FRMPD2: variants seen among roughly 807,000 people sequenced by gnomAD.
FRMPD2 encodes FERM and PDZ domain containing 2.
A neutral mutation model predicts 140.1 loss-of-function variants in FRMPD2; 96 were observed. The observed-to-expected ratio is 0.69, with a 90% CI of 0.58 to 0.81. The LOEUF (loss-of-function observed/expected upper bound fraction) is 0.81, where lower values mean the gene tolerates loss of function less well. Among genes scored for constraint, FRMPD2 ranks in the 40% least tolerant of loss-of-function variants. The pLI is 0.00. For missense variants in FRMPD2, 1,240 were observed against 1,447.4 expected (o/e 0.86, Z 2.32); for synonymous variants, 449 against 547.6 (o/e 0.82, Z 2.52).
At chr10:48,246,675 G>A (rs1262554353) in intron 3 of FRMPD2, among the ~76,000 whole-genome samples, 1 of 152,224 alleles carries the variant, frequency 6.6e-6, no homozygotes, top group African/African-American at 2.4e-5. Context: ...AAGGAGAGGG[G>A]TCTGGGTACA....
chr10:48,187,714 C>A (rs1838722171), intron 16 of FRMPD2, among the ~76,000 whole-genome samples: 1 of 152,204 alleles, frequency 6.6e-6, no homozygotes, highest in Non-Finnish European at 1.5e-5. Flanking sequence ...GATGTTTTGT[C>A]ATTTGCTCCT....
At chr10:48,196,150 G>A (rs1838943706) in intron 15 of FRMPD2, among the ~76,000 whole-genome samples, 1 of 152,158 alleles carries the variant, frequency 6.6e-6, no homozygotes, top group South Asian at 2.1e-4. Flanking sequence ...GAGCCATCCT[G>A]GTGTGCTGAA....
At chr10:48,236,453 A>C in intron 9 of FRMPD2, 29 bp downstream of exon 9, 1 of 1,608,718 alleles carries the variant, frequency 6.2e-7, no homozygotes, top group South Asian at 1.1e-5. Flanking sequence ...GCCACCCTCC[A>C]TCCCTGCCCA....
At chr10:48,162,166 G>T (rs1474072434) in intron 28 of FRMPD2, among the ~76,000 whole-genome samples, 8 of 144,730 alleles carry the variant, frequency 5.5e-5, no homozygotes, top group African/African-American at 1.6e-4. Context: ...CAATTGTAAA[G>T]AACTATAAAT....
chr10:48,211,994 G>A lies in FRMPD2; in HGVS notation c.1571C>T (p.Ser524Phe). 1 of 1,614,076 alleles carries A rather than the reference G, an allele frequency of 6.2e-7. No individual in the cohort carries two copies. The highest frequency in any genetic ancestry group is 1.1e-5 in the South Asian group (1 of 91,056). Residue 524 changes from serine to phenylalanine, a missense_variant, in exon 13 of 29, where the codon TCT becomes TTT. By Grantham distance (155) the Ser-to-Phe change is radical. Coordinates refer to ENST00000374201, the MANE Select transcript of FRMPD2 (RefSeq NM_001018071.4). ...CTCAGCATCCTCTCCCCACAGTGCA[G>A]AGCTGAGCCGGTGCATCTCTGAGAC... is the stretch of plus-strand genomic sequence containing the variant. ...VEVSEMHRLSSALWGEDAELK... is the reference protein window; with the variant it reads ...VEVSEMHRLSFALWGEDAELK...
At chr10:48,174,475 G>A (rs1310317337) in intron 24 of FRMPD2, among the ~76,000 whole-genome samples, 3 of 152,106 alleles carry the variant, frequency 2.0e-5, no homozygotes. Flanking sequence ...AACGGAGTGG[G>A]GTCATCCTAT....
intron 13 of FRMPD2, among the ~76,000 whole-genome samples, chr10:48,211,676 C>A (rs1334170881): frequency 1.3e-5 from 2 of 151,918 alleles, no homozygotes; most frequent in Non-Finnish European, 2.9e-5. Flanking sequence ...CAGAGCGAGA[C>A]TCCATCTCAA....
At chr10:48,250,048 G>A (rs917397768) in intron 2 of FRMPD2, among the ~76,000 whole-genome samples, 4 of 152,142 alleles carry the variant, frequency 2.6e-5, no homozygotes, top group East Asian at 1.9e-4. Flanking sequence ...CCTCAAGGCC[G>A]GAACTTGACA....
At chr10:48,188,436 C>T (rs1838743789) in intron 16 of FRMPD2, among the ~76,000 whole-genome samples, 1 of 152,216 alleles carries the variant, frequency 6.6e-6, no homozygotes, top group Admixed American at 6.5e-5. Flanking sequence ...TGACTTGGCT[C>T]ATGTTTGTGC....
intron 9 of FRMPD2, among the ~76,000 whole-genome samples, chr10:48,233,961 G>A (rs1839909872): frequency 6.6e-6 from 1 of 152,216 alleles, no homozygotes; most frequent in Non-Finnish European, 1.5e-5. Flanking sequence ...TGGGCCAGGA[G>A]CACCAAAGCT....
intron 20 of FRMPD2, among the ~76,000 whole-genome samples, chr10:48,182,750 G>T (rs528212872): frequency 6.6e-6 from 1 of 152,246 alleles, no homozygotes; most frequent in Non-Finnish European, 1.5e-5. Context: ...CAGACCTCGA[G>T]TACTGCTTTT....
At chr10:48,242,799 T>G (rs1045981461) in intron 4 of FRMPD2, among the ~76,000 whole-genome samples, 3 of 152,256 alleles carry the variant, frequency 2.0e-5, no homozygotes, top group African/African-American at 7.2e-5. Context: ...ACATACAGAC[T>G]GTGGCCTATT....
intron 27 of FRMPD2, among the ~76,000 whole-genome samples, chr10:48,167,881 C>T (rs1327839610): frequency 1.3e-5 from 2 of 149,092 alleles, no homozygotes; most frequent in African/African-American, 5.0e-5. Flanking sequence ...AAAGACTGAC[C>T]TCTCTGAGGA....
chr10:48,269,901 G>T (rs1840738254), intron 1 of FRMPD2, among the ~76,000 whole-genome samples: 2 of 152,248 alleles, frequency 1.3e-5, no homozygotes, highest in East Asian at 3.9e-4. Context: ...AGAGGACTCT[G>T]GTCTCAAGCT....
intron 15 of FRMPD2, 39 bp downstream of exon 15, chr10:48,201,189 C>T: frequency 6.8e-7 from 1 of 1,471,130 alleles, no homozygotes; most frequent in Non-Finnish European, 9.1e-7. Context: ...AAATAACAAA[C>T]TTGTCAAAGT....
chr10:48,238,700 CA>C (rs1840026595), intron 7 of FRMPD2, among the ~76,000 whole-genome samples: 2 of 152,196 alleles, frequency 1.3e-5, no homozygotes, highest in Non-Finnish European at 2.9e-5. Flanking sequence ...ACCCAAACTT[CA>C]AAATAAACAC....
intron 16 of FRMPD2, among the ~76,000 whole-genome samples, chr10:48,191,643 C>T (rs914545086): frequency 1.3e-5 from 2 of 152,118 alleles, no homozygotes; most frequent in Non-Finnish European, 2.9e-5. Context: ...AATGAATCAT[C>T]CATACCCTCT....
intron 11 of FRMPD2, 111 bp from the exon 12 acceptor site, chr10:48,222,562 G>A: frequency 8.9e-7 from 1 of 1,127,398 alleles, no homozygotes; most frequent in Non-Finnish European, 1.3e-6. Flanking sequence ...AAGACGAGAT[G>A]CAACTCAATA....
chr10:48,172,820 T>A, intron 25 of FRMPD2, 126 bp downstream of exon 25: 3 of 855,506 alleles, frequency 3.5e-6, no homozygotes, highest in Non-Finnish European at 5.9e-6. Flanking sequence ...CTCAGCATGA[T>A]CACTATGGCT....
Sources: allele counts gnomAD v4.1 joint callset (sites outside exome capture counted in the v4.1 genomes callset), GRCh38; gene constraint gnomAD v4.1.1; transcripts MANE v1.5; gene names NCBI Gene and HGNC (gene_info 2026-07-23, HGNC 2026-07-21).